The following CRPPA variants were observed in gnomAD, a reference collection of about 807,000 sequenced individuals.
CRPPA encodes the protein D-ribitol-5-phosphate cytidylyltransferase.
In CRPPA, 43 loss-of-function variants were observed where a neutral mutation model predicts 52.0. That is an observed-to-expected ratio of 0.83 (90% CI 0.65 to 1.07). The LOEUF (loss-of-function observed/expected upper bound fraction) is 1.07, where lower values mean the gene tolerates loss of function less well. Among genes scored for constraint, CRPPA ranks in the 50% least tolerant of loss-of-function variants. CRPPA has a pLI of 0.00. For missense variants in CRPPA, 629 were observed against 551.7 expected (o/e 1.14, Z -1.40); for synonymous variants, 250 against 203.5 (o/e 1.23, Z -1.94).
At chr7:16,285,784 A>G (rs2128419474) in intron 5 of CRPPA, among the ~76,000 whole-genome samples, 1 of 151,502 alleles carries the variant, frequency 6.6e-6, no homozygotes, top group African/African-American at 2.4e-5. Context: ...GCACTTTGGG[A>G]AGCTGAGGTA....
intron 9 of CRPPA, among the ~76,000 whole-genome samples, chr7:16,214,802 C>T (rs905322622): frequency 6.6e-6 from 1 of 152,166 alleles, no homozygotes; most frequent in Non-Finnish European, 1.5e-5. Context: ...TGAGCCACCA[C>T]AAAGAGAGAA....
At chr7:16,361,673 C>T (rs1360331734) in intron 3 of CRPPA, among the ~76,000 whole-genome samples, 1 of 152,112 alleles carries the variant, frequency 6.6e-6, no homozygotes, top group Non-Finnish European at 1.5e-5. Flanking sequence ...ATGGGGATTG[C>T]CACGAGCTGG....
At chr7:16,324,351 A>G (rs925806317) in intron 3 of CRPPA, among the ~76,000 whole-genome samples, 2 of 152,234 alleles carry the variant, frequency 1.3e-5, no homozygotes, top group Non-Finnish European at 2.9e-5. Flanking sequence ...CCTCCTCAGC[A>G]TCAAGAAGTT....
intron 5 of CRPPA, among the ~76,000 whole-genome samples, chr7:16,280,622 C>T (rs186535322): frequency 1.3e-5 from 2 of 152,214 alleles, no homozygotes; most frequent in East Asian, 3.9e-4. Flanking sequence ...CATCATATAT[C>T]CCTCTTTATA....
chr7:16,233,085 G>T (rs1437985381), intron 8 of CRPPA, among the ~76,000 whole-genome samples: 1 of 151,806 alleles, frequency 6.6e-6, no homozygotes, highest in Non-Finnish European at 1.5e-5. Context: ...CAGAAAATTT[G>T]ATATTAAAGA....
At chr7:16,296,104 A>G (rs1203449203) in intron 5 of CRPPA, among the ~76,000 whole-genome samples, 1 of 152,146 alleles carries the variant, frequency 6.6e-6, no homozygotes, top group Non-Finnish European at 1.5e-5. Flanking sequence ...TGAAACTACC[A>G]CTTTCTATAC....
Position 16,089,215 on chromosome 7 carries a change from C to T in CRPPA, c.*2480G>A, listed in dbSNP as rs767365434. Reference sequence around the variant, plus strand: ...ATGTGTGTATATACGTACGTATATACATATATGTGTGTATGCGTACGTATA... The same window carrying T: ...ATGTGTGTATATACGTACGTATATATATATATGTGTGTATGCGTACGTATA... On this transcript the variant is annotated 3_prime_UTR_variant, in exon 10 of 10. Transcript: ENST00000407010. The T allele has an allele frequency of 8.3e-6, 3 of 362,016 alleles. No individual in the cohort carries two copies. The highest frequency in any genetic ancestry group is 1.8e-5 in the Non-Finnish European group (3 of 164,110). The allele number at this position is 362,016 out of a possible 1,614,324, so 22.4% of individuals were successfully genotyped here.
At chr7:16,223,060 G>A (rs1206491912) in intron 8 of CRPPA, among the ~76,000 whole-genome samples, 1 of 152,084 alleles carries the variant, frequency 6.6e-6, no homozygotes, top group Non-Finnish European at 1.5e-5. Context: ...GAGAGGCTGA[G>A]GCAGGCAGAT....
chr7:16,398,411 G>C (rs1268386949), intron 2 of CRPPA, among the ~76,000 whole-genome samples: 4 of 151,762 alleles, frequency 2.6e-5, no homozygotes, highest in Non-Finnish European at 4.4e-5. Context: ...ACCAACATAA[G>C]TGATTCACAC....
chr7:16,250,764 C>CA (rs1783426130), intron 8 of CRPPA, among the ~76,000 whole-genome samples: 1 of 152,134 alleles, frequency 6.6e-6, no homozygotes, highest in African/African-American at 2.4e-5. Context: ...CCAGCCATTG[C>CA]AAAAACATGC....
intron 9 of CRPPA, among the ~76,000 whole-genome samples, chr7:16,170,082 G>A (rs544978181): frequency 4.6e-4 from 70 of 152,084 alleles, no homozygotes; most frequent in Non-Finnish European, 6.2e-4. Context: ...AATAAAAGAC[G>A]ATTATAAACA....
At chr7:16,092,849 A>G (rs549345962) in intron 9 of CRPPA, among the ~76,000 whole-genome samples, 119 of 152,232 alleles carry the variant, frequency 7.8e-4, no homozygotes, top group African/African-American at 2.8e-3. Context: ...AAATTACTCA[A>G]TTCTCCAAGC....
At chr7:16,414,402 C>CA (rs1788142781) in intron 1 of CRPPA, among the ~76,000 whole-genome samples, 3 of 143,102 alleles carry the variant, frequency 2.1e-5, no homozygotes, top group Admixed American at 7.1e-5. Context: ...CACACACACA[C>CA]CCCATGACAC....
At chr7:16,173,880 T>C (rs1781242264) in intron 9 of CRPPA, among the ~76,000 whole-genome samples, 1 of 152,178 alleles carries the variant, frequency 6.6e-6, no homozygotes, top group African/African-American at 2.4e-5. Flanking sequence ...ATGTAAACTG[T>C]ATTTGTTTAA....
intron 2 of CRPPA, among the ~76,000 whole-genome samples, chr7:16,384,417 T>C (rs1787200210): frequency 6.6e-6 from 1 of 152,044 alleles, no homozygotes; most frequent in South Asian, 2.1e-4. Context: ...CAACAAAAGC[T>C]CTCCTGGGAT....
At chr7:16,371,202 T>C (rs10261127) in intron 3 of CRPPA, among the ~76,000 whole-genome samples, 3,583 of 152,266 alleles carry the variant, frequency 0.024, 131 homozygotes, top group African/African-American at 0.081. Flanking sequence ...TCACTTGCCT[T>C]AGCTACAACT....
At chr7:16,192,110 T>A (rs752510389) in intron 9 of CRPPA, among the ~76,000 whole-genome samples, 1 of 152,110 alleles carries the variant, frequency 6.6e-6, no homozygotes, top group Non-Finnish European at 1.5e-5. Context: ...ACAAGTGGAT[T>A]TCTCATTAGT....
chr7:16,122,260 T>C (rs1035186252), intron 9 of CRPPA, among the ~76,000 whole-genome samples: 2 of 152,054 alleles, frequency 1.3e-5, no homozygotes, highest in African/African-American at 4.8e-5. Flanking sequence ...TGATTGGGAT[T>C]GGAAGGCCTT....
chr7:16,143,019 A>G (rs1335929105), intron 9 of CRPPA, among the ~76,000 whole-genome samples: 2 of 152,188 alleles, frequency 1.3e-5, no homozygotes, highest in East Asian at 1.9e-4. Context: ...CTCACAGTTG[A>G]CAATGTTGGA....
Sources: gnomAD v4.1 joint callset for allele counts (sites outside exome capture counted in the v4.1 genomes callset) on GRCh38, gnomAD v4.1.1 for gene constraint, MANE v1.5 for transcripts, NCBI Gene and HGNC (gene_info 2026-07-23, HGNC 2026-07-21) for gene names.